The following ZNF385B variants were observed in gnomAD, a reference collection of about 807,000 sequenced individuals.
The protein encoded by ZNF385B is zinc finger protein 385B, also known as zinc finger protein 533.
ZNF385B carries 23 observed loss-of-function variants against 39.2 expected under a neutral mutation model. The ratio of observed to expected loss-of-function variants is 0.59; its 90% CI spans 0.42 to 0.83. The LOEUF (loss-of-function observed/expected upper bound fraction) is 0.83, where lower values mean the gene tolerates loss of function less well. Among genes scored for constraint, ZNF385B ranks in the 40% least tolerant of loss-of-function variants. The probability of loss-of-function intolerance (pLI) is 0.00; values close to 1 mark genes in which losing one functional copy is unlikely to be tolerated. For missense variants in ZNF385B, 552 were observed against 598.9 expected (o/e 0.92, Z 0.82); for synonymous variants, 205 against 222.6 (o/e 0.92, Z 0.70).
intron 3 of ZNF385B, among the ~76,000 whole-genome samples, chr2:179,598,695 A>G (rs1688188499): frequency 6.6e-6 from 1 of 152,176 alleles, no homozygotes; most frequent in South Asian, 2.1e-4. Flanking sequence ...AAAATCCCAT[A>G]AAGTTGTAAT....
At chr2:179,445,808 T>C in intron 7 of ZNF385B, 80 bp from the exon 8 acceptor site, 1 of 1,323,786 alleles carries the variant, frequency 7.6e-7, no homozygotes, top group Non-Finnish European at 1.0e-6. Flanking sequence ...TTGAGAAGTT[T>C]ACCTGCAGGC....
intron 3 of ZNF385B, among the ~76,000 whole-genome samples, chr2:179,736,229 C>G (rs982391310): frequency 6.6e-6 from 1 of 152,064 alleles, no homozygotes; most frequent in African/African-American, 2.4e-5. Flanking sequence ...TAAGAGTAGG[C>G]AGAATAATTT....
Position 179,642,529 on chromosome 2 carries a change from A to G in ZNF385B, c.299-97560T>C, listed in dbSNP as rs182427170. 1.9e-4 allele frequency among the ~76,000 whole-genome samples: 29 copies of G among 152,250 alleles called. 1 individual carries two copies. The highest frequency in any genetic ancestry group is 1.8e-3 in the Admixed American group (28 of 15,274). On this transcript the variant is annotated intron_variant, in intron 3 of 9. Transcript: ENST00000410066. Reference sequence around the variant, plus strand: ...CTTGTTCGAACCAGCATGAAGCATAATCTAGCAATTTTGCAAGTGTAGTCT... The same window carrying G: ...CTTGTTCGAACCAGCATGAAGCATAGTCTAGCAATTTTGCAAGTGTAGTCT...
chr2:179,527,045 T>C (rs1198859546), intron 4 of ZNF385B, among the ~76,000 whole-genome samples: 1 of 152,224 alleles, frequency 6.6e-6, no homozygotes, highest in Admixed American at 6.5e-5. Context: ...ACATTACATC[T>C]AAGTCCTGGA....
intron 6 of ZNF385B, among the ~76,000 whole-genome samples, chr2:179,478,477 C>T (rs140537074): frequency 3.9e-5 from 6 of 152,280 alleles, no homozygotes; most frequent in African/African-American, 9.6e-5. Flanking sequence ...TATGTAACTG[C>T]GTCTTGTAAG....
chr2:179,809,456 AT>A (rs1191388917), intron 1 of ZNF385B, among the ~76,000 whole-genome samples: 1 of 152,184 alleles, frequency 6.6e-6, no homozygotes, highest in Non-Finnish European at 1.5e-5. Context: ...GGCAATCTAA[AT>A]TACATGAAAC....
At chr2:179,751,098 T>C (rs1020934924) in intron 3 of ZNF385B, among the ~76,000 whole-genome samples, 3 of 152,098 alleles carry the variant, frequency 2.0e-5, no homozygotes, top group Admixed American at 6.6e-5. Context: ...AATATTAATA[T>C]ATTTAAGTAG....
intron 4 of ZNF385B, among the ~76,000 whole-genome samples, chr2:179,521,836 T>C (rs2058529821): frequency 6.6e-6 from 1 of 152,198 alleles, no homozygotes; most frequent in Non-Finnish European, 1.5e-5. Context: ...GGATAACTTA[T>C]CACTAATTGT....
chr2:179,710,030 T>C (rs553352544), intron 3 of ZNF385B, among the ~76,000 whole-genome samples: 51 of 152,308 alleles, frequency 3.3e-4, no homozygotes, highest in African/African-American at 1.2e-3. Context: ...GGATATTCAC[T>C]GACATTTCCA....
chr2:179,525,664 G>A (rs1294225920), intron 4 of ZNF385B, among the ~76,000 whole-genome samples: 2 of 151,500 alleles, frequency 1.3e-5, no homozygotes, highest in Admixed American at 6.6e-5. Context: ...TATCAGTATC[G>A]TTATTATTAT....
At chr2:179,678,259 G>T (rs1449909668) in intron 3 of ZNF385B, among the ~76,000 whole-genome samples, 2 of 152,080 alleles carry the variant, frequency 1.3e-5, no homozygotes, top group Non-Finnish European at 2.9e-5. Flanking sequence ...AATAACTTTG[G>T]CAGAGTTCTC....
intron 3 of ZNF385B, among the ~76,000 whole-genome samples, chr2:179,711,907 T>TA (rs1700027978): frequency 6.8e-6 from 1 of 146,052 alleles, no homozygotes; most frequent in Non-Finnish European, 1.5e-5. Flanking sequence ...TTTTTTTTTT[T>TA]ACAAATGGTA....
At chr2:179,707,837 T>C (rs1046361241) in intron 3 of ZNF385B, among the ~76,000 whole-genome samples, 6 of 151,984 alleles carry the variant, frequency 3.9e-5, no homozygotes, top group South Asian at 2.1e-4. Context: ...GCTGAGAAAA[T>C]AGATAAACAG....
chr2:179,780,906 C>T (rs1704625078), intron 1 of ZNF385B, among the ~76,000 whole-genome samples: 1 of 152,132 alleles, frequency 6.6e-6, no homozygotes, highest in South Asian at 2.1e-4. Context: ...AGTCAAATGA[C>T]TAATCAGATA....
At chr2:179,682,447 C>T (rs1203722940) in intron 3 of ZNF385B, among the ~76,000 whole-genome samples, 1 of 152,204 alleles carries the variant, frequency 6.6e-6, no homozygotes, top group East Asian at 1.9e-4. Flanking sequence ...TGCCTTCTTT[C>T]TGTTCCTTTA....
chr2:179,786,627 A>C (rs1705020454), intron 1 of ZNF385B, among the ~76,000 whole-genome samples: 1 of 151,984 alleles, frequency 6.6e-6, no homozygotes, highest in Admixed American at 6.6e-5. Context: ...TAAGAGGCTT[A>C]GGGACCACCT....
At chr2:179,783,177 G>A (rs1348664176) in intron 1 of ZNF385B, among the ~76,000 whole-genome samples, 7 of 151,942 alleles carry the variant, frequency 4.6e-5, no homozygotes, top group South Asian at 2.1e-4. Context: ...AAATAAGGCC[G>A]TACACCTACA....
At chr2:179,487,144 C>T (rs1031281185) in intron 5 of ZNF385B, among the ~76,000 whole-genome samples, 9 of 152,232 alleles carry the variant, frequency 5.9e-5, no homozygotes, top group African/African-American at 9.6e-5. Context: ...GCATCAGTGC[C>T]GAAAGTTAAC....
intron 6 of ZNF385B, among the ~76,000 whole-genome samples, chr2:179,478,203 A>G (rs930931018): frequency 6.6e-6 from 1 of 152,198 alleles, no homozygotes; most frequent in Admixed American, 6.5e-5. Flanking sequence ...AGCAGCTTGA[A>G]GGTGATGACT....
Sources: allele counts gnomAD v4.1 joint callset (sites outside exome capture counted in the v4.1 genomes callset), GRCh38; gene constraint gnomAD v4.1.1; transcripts MANE v1.5; gene names NCBI Gene and HGNC (gene_info 2026-07-23, HGNC 2026-07-21).